The following GPC3 variants were observed in gnomAD, a reference collection of about 807,000 sequenced individuals.
The protein encoded by GPC3 is glypican-3.
In GPC3, 3 loss-of-function variants were observed where a neutral mutation model predicts 34.4. That is an observed-to-expected ratio of 0.09 (90% CI 0.04 to 0.23). The LOEUF (loss-of-function observed/expected upper bound fraction) is 0.23. Among genes scored for constraint, GPC3 ranks in the 10% least tolerant of loss-of-function variants. The pLI, the probability that GPC3 is intolerant of heterozygous loss-of-function variation, is 1.00. For missense variants in GPC3, 351 were observed against 445.6 expected (o/e 0.79, Z 1.91); for synonymous variants, 177 against 174.0 (o/e 1.02, Z -0.13).
chrX:133,632,587 T>C (rs2070378258), intron 6 of GPC3, among the ~76,000 whole-genome samples: 2 of 112,334 alleles, frequency 1.8e-5, no homozygotes, highest in South Asian at 3.7e-4. Flanking sequence ...AATAGATAGA[T>C]AGTCCAACAC....
intron 2 of GPC3, among the ~76,000 whole-genome samples, chrX:133,905,910 A>T (rs1029550342): frequency 1.8e-5 from 2 of 112,257 alleles, no homozygotes; most frequent in African/African-American, 3.2e-5. Context: ...TACTGTCTGC[A>T]ATAACCTTAA....
chrX:133,661,413 C>T (rs941346856), intron 6 of GPC3, among the ~76,000 whole-genome samples: 1 of 110,705 alleles, frequency 9.0e-6, no homozygotes, highest in Non-Finnish European at 1.9e-5. Flanking sequence ...CCAAGCTACC[C>T]CTCAAATTGC....
chrX:133,798,267 T>C (rs917944722), intron 2 of GPC3, among the ~76,000 whole-genome samples: 7 of 111,854 alleles, frequency 6.3e-5, no homozygotes, highest in Non-Finnish European at 1.1e-4. Flanking sequence ...GACAGGTCCA[T>C]GTCAGCTGTC....
rs1027527492 is a variant in GPC3, at chrX:133,578,299, C to T, written c.1573+18141G>A. On this transcript the variant is annotated intron_variant, in intron 7 of 7. Coordinates refer to ENST00000370818, the MANE Select transcript of GPC3 (RefSeq NM_004484.4). ...CTTCTTAAATCTGCATCTTCATCCA[C>T]TCCCCCAGAGAGTTTTCCAAAATGC... 2.7e-5 allele frequency among the ~76,000 whole-genome samples: 3 copies of T among 112,014 alleles called. 1 individual carries two copies. The highest frequency in any genetic ancestry group is 6.5e-5 in the African/African-American group (2 of 30,816).
chrX:133,539,379 C>G (rs1420830217), intron 7 of GPC3, among the ~76,000 whole-genome samples: 2 of 111,925 alleles, frequency 1.8e-5, no homozygotes, highest in African/African-American at 6.5e-5. Flanking sequence ...TTCTTGAAAA[C>G]AAACTCCATT....
chrX:133,553,619 A>G (rs1176669133), intron 7 of GPC3, among the ~76,000 whole-genome samples: 1 of 111,126 alleles, frequency 9.0e-6, no homozygotes, highest in Non-Finnish European at 1.9e-5. Flanking sequence ...AATCTCATAG[A>G]CTCCCTGTCA....
intron 7 of GPC3, among the ~76,000 whole-genome samples, chrX:133,554,018 CTCT>C (rs1473535132): frequency 2.8e-5 from 3 of 108,702 alleles, no homozygotes; most frequent in African/African-American, 1.0e-4. Context: ...CTCTCTCTCT[CTCT>C]TTTTTTTTTT....
intron 6 of GPC3, among the ~76,000 whole-genome samples, chrX:133,659,390 G>A (rs905341420): frequency 9.0e-6 from 1 of 111,488 alleles, no homozygotes; most frequent in Non-Finnish European, 1.9e-5. Context: ...GGTGGGGTCC[G>A]CCCACAGGTC....
At chrX:133,978,178 C>T (rs1332551693) in intron 1 of GPC3, among the ~76,000 whole-genome samples, 1 of 112,389 alleles carries the variant, frequency 8.9e-6, no homozygotes, top group Non-Finnish European at 1.9e-5. Flanking sequence ...AGCAATCCCC[C>T]TGCCTCGGCC....
At chrX:133,573,723 C>T (rs1238374356) in intron 7 of GPC3, among the ~76,000 whole-genome samples, 1 of 111,778 alleles carries the variant, frequency 8.9e-6, no homozygotes, top group African/African-American at 3.2e-5. Flanking sequence ...AAGTAGAAAA[C>T]CTATACTCTG....
chrX:133,895,183 CTGA>C (rs1159617776), intron 2 of GPC3, among the ~76,000 whole-genome samples: 5 of 111,909 alleles, frequency 4.5e-5, no homozygotes, highest in African/African-American at 1.6e-4. Context: ...TGAATGGGGA[CTGA>C]TGATGAGAAT....
chrX:133,855,530 GATATAT>G (rs756213198), intron 2 of GPC3, among the ~76,000 whole-genome samples: 1 of 91,196 alleles, frequency 1.1e-5, no homozygotes, highest in African/African-American at 4.2e-5. Flanking sequence ...GCTGTTACAA[GATATAT>G]ATATATATAT....
rs764508623 is a variant in GPC3, at chrX:133,933,156, A to G, written c.337+19894T>C. On this transcript the variant is annotated intron_variant, in intron 2 of 7. Coordinates refer to ENST00000370818, the MANE Select transcript of GPC3 (RefSeq NM_004484.4). ...GAAAATCTACCATATATATCTACCT[A>G]CCAACACTGAGTAAGGGGGCAGAGA... Among the ~76,000 whole-genome samples the G allele has an allele frequency of 3.6e-5, 4 of 111,179 alleles. No individual in the cohort carries two copies. In the East Asian group the frequency reaches 1.1e-3, roughly 32 times the overall value.
intron 7 of GPC3, among the ~76,000 whole-genome samples, chrX:133,559,572 G>A (rs1195093039): frequency 9.0e-6 from 1 of 111,013 alleles, no homozygotes; most frequent in Non-Finnish European, 1.9e-5. Context: ...TTCTGAGCAG[G>A]GGCAGAGCCT....
At chrX:133,552,334 A>G (rs775391092) in intron 7 of GPC3, among the ~76,000 whole-genome samples, 1 of 112,258 alleles carries the variant, frequency 8.9e-6, no homozygotes, top group South Asian at 3.7e-4. Flanking sequence ...CAGACACTGG[A>G]GAGAAATCTA....
chrX:133,563,756 C>A (rs2069558465), intron 7 of GPC3, among the ~76,000 whole-genome samples: 1 of 111,358 alleles, frequency 9.0e-6, no homozygotes, highest in East Asian at 2.9e-4. Flanking sequence ...AAAGGTTTTC[C>A]CAAATTTTAA....
chrX:133,763,647 C>T (rs1391127060), intron 2 of GPC3: 2 of 771,537 alleles, frequency 2.6e-6, no homozygotes, highest in Admixed American at 2.3e-5. Context: ...CTGCTCAGGC[C>T]ACTGAATGGG....
chrX:133,791,370 G>A (rs1032358509), intron 2 of GPC3, among the ~76,000 whole-genome samples: 30 of 111,470 alleles, frequency 2.7e-4, no homozygotes, highest in African/African-American at 8.8e-4. Context: ...GGTAGATGCC[G>A]ACTTTCTGCG....
At chrX:133,831,602 T>G (rs1263313991) in intron 2 of GPC3, among the ~76,000 whole-genome samples, 1 of 111,759 alleles carries the variant, frequency 8.9e-6, no homozygotes, top group Non-Finnish European at 1.9e-5. Flanking sequence ...TGTTGATGCA[T>G]GTCTCTAATC....
Sources: allele counts gnomAD v4.1 joint callset (sites outside exome capture counted in the v4.1 genomes callset), GRCh38; gene constraint gnomAD v4.1.1; transcripts MANE v1.5; gene names NCBI Gene and HGNC (gene_info 2026-07-23, HGNC 2026-07-21).